Variants in ATR observed in about 807,000 individuals in gnomAD.
ATR encodes the protein ATR checkpoint kinase, also known as serine/threonine-protein kinase ATR.
ATR carries 142 observed loss-of-function variants against 305.3 expected under a neutral mutation model. The ratio of observed to expected loss-of-function variants is 0.47; its 90% confidence interval spans 0.41 to 0.53. ATR has a LOEUF of 0.53. Ranked by LOEUF, ATR falls within the 20% of genes least tolerant of loss-of-function variation. ATR has a pLI of 0.00. For synonymous variants in ATR, 1,050 were observed against 1,068.1 expected (o/e 0.98, Z 0.33); for missense variants, 2,135 against 3,133.1 (o/e 0.68, Z 7.60).
chr3:142,472,258 G>C (rs1160666888), intron 36 of ATR: 1 of 152,092 alleles, frequency 6.6e-6, no homozygotes, highest in African/African-American at 2.4e-5. Flanking sequence ...TCAACATATT[G>C]ATTTAATTTC....
chr3:142,545,222 G>C (rs182846035), intron 16 of ATR, among the ~76,000 whole-genome samples: 2 of 152,128 alleles, frequency 1.3e-5, no homozygotes, highest in East Asian at 3.9e-4. Flanking sequence ...TAAATAAGTA[G>C]TAAGTATGTA....
At chr3:142,550,452 G>C (rs2034434557) in intron 13 of ATR, 150 bp from the exon 14 acceptor site, 3 of 818,058 alleles carry the variant, frequency 3.7e-6, no homozygotes, top group East Asian at 2.6e-5. Flanking sequence ...TAATGAGGTA[G>C]ACTATGTCAT....
At chr3:142,498,897 T>C in intron 31 of ATR, 123 bp from the exon 32 acceptor site, 1 of 942,872 alleles carries the variant, frequency 1.1e-6, no homozygotes, top group South Asian at 1.4e-5. Context: ...TTTTTTTTTT[T>C]TGAGACAGAG....
intron 40 of ATR, chr3:142,465,631 T>G (rs2071110682): frequency 6.3e-6 from 1 of 159,216 alleles, no homozygotes; most frequent in Admixed American, 6.3e-5. Context: ...AGTAGTTTGA[T>G]TTTTGAAAAA....
In ATR at chr3:142,457,595, G is replaced by C; in HGVS notation, c.7655+9C>G. 1 of 1,613,768 alleles carries C rather than the reference G, an allele frequency of 6.2e-7. No homozygotes were observed. Among genetic ancestry groups the C allele is most frequent in the Non-Finnish European group, 8.5e-7 (1 of 1,179,876 alleles). The stretch of plus-strand genomic sequence containing the variant: ...ACTGTTAAATTATTTACAAAGTATA[G>C]GTGATTACCTCATTAAAGGCTCTCG... On this transcript the variant is annotated intron_variant, in intron 45 of 46. Transcript: ENST00000350721.
intron 21 of ATR, 78 bp downstream of exon 21, chr3:142,535,002 A>C: frequency 6.8e-7 from 1 of 1,466,198 alleles, no homozygotes; most frequent in Non-Finnish European, 9.3e-7. Flanking sequence ...CTCAAACAAA[A>C]ATGTCATTTT....
chr3:142,452,708 A>G, intron 46 of ATR: 1 of 1,054,572 alleles, frequency 9.5e-7, no homozygotes, highest in Non-Finnish European at 1.1e-6. Context: ...CACAACAACA[A>G]CAACAAAACT....
chr3:142,480,645 T>G (rs1019974648), intron 36 of ATR, among the ~76,000 whole-genome samples: 1 of 152,120 alleles, frequency 6.6e-6, no homozygotes, highest in Non-Finnish European at 1.5e-5. Context: ...TCTGCAGAGG[T>G]TTCTGCTGCC....
At chr3:142,513,992 G>A (rs1029599127) in intron 25 of ATR, among the ~76,000 whole-genome samples, 22 of 151,972 alleles carry the variant, frequency 1.4e-4, no homozygotes, top group East Asian at 3.9e-4. Flanking sequence ...AATGTCAGCC[G>A]GGCATGGTGG....
chr3:142,500,798 G>A (rs887381027), intron 30 of ATR, among the ~76,000 whole-genome samples: 3 of 152,108 alleles, frequency 2.0e-5, no homozygotes, highest in African/African-American at 7.2e-5. Context: ...GTCCAATTTT[G>A]AAGGACTTTA....
rs372864251 is a variant in ATR, at chr3:142,470,179, G to C, written c.6226C>G (p.Leu2076Val). 2.2e-4 allele frequency: 349 copies of C among 1,591,804 alleles called. 1 individual carries two copies. Among genetic ancestry groups the C allele is most frequent in the Non-Finnish European group, 2.9e-4 (333 of 1,161,750 alleles). The change falls in exon 37 of 47, where the codon CTA (leucine) becomes GTA (valine). Residue 2076 changes from leucine to valine, a missense_variant. Around this residue, in one of 9 missense-constraint regions of ATR, gnomAD observed 462 missense variants for 887.6 expected, o/e 0.52. Coordinates refer to ENST00000350721, the MANE Select transcript of ATR (RefSeq NM_001184.4). ...TATATGAACTGATTTCCATATTGTA[G>C]AGATCTGCAATTATATAGACAAGAA... ...RYIVLHFGRS[L>V]QYGNQFIYQS...
At position 142,452,871 on chromosome 3, in the gene ATR, A is replaced by G. The variant is rs558445264; in HGVS notation, c.7761+257T>C. On this transcript the variant is annotated intron_variant, in intron 46 of 46. Transcript: ENST00000350721. ...ACTATAGTTTTTCCTACTGTATCTC[A>G]TAACTGTGAATTGTCTATGGTTAAA... 9 of 1,318,384 alleles carry G rather than the reference A, an allele frequency of 6.8e-6. 1 individual carries two copies. The South Asian group carries it at 1.1e-4, about 16-fold the overall frequency. 81.7% of individuals were successfully genotyped at this position (1,318,384 alleles called of 1,614,324 possible).
chr3:142,451,841 C>T lies in ATR; in HGVS notation c.7761+1287G>A, dbSNP rs1206139838. 21 of 1,306,416 alleles carry T rather than the reference C, an allele frequency of 1.6e-5. No homozygotes were observed. The South Asian group carries it at 2.2e-4, about 13-fold the overall frequency. 80.9% of individuals were successfully genotyped at this position (1,306,416 alleles called of 1,614,324 possible). ...GAGTGTGATCCTGCTAGAGCTCTTT[C>T]AGCTGTTTAGAACAGAAATGGAGCG... On this transcript the variant is annotated intron_variant, in intron 46 of 46. Coordinates refer to ENST00000350721, the MANE Select transcript of ATR (RefSeq NM_001184.4).
intron 8 of ATR, 34 bp downstream of exon 8, chr3:142,558,590 A>C (rs1215911043): frequency 1.3e-6 from 2 of 1,575,144 alleles, no homozygotes; most frequent in East Asian, 4.6e-5. Flanking sequence ...AGATAAATAA[A>C]ACAAACCACA....
At chr3:142,485,887 C>CA (rs1405975691) in intron 35 of ATR, among the ~76,000 whole-genome samples, 20 of 152,304 alleles carry the variant, frequency 1.3e-4, no homozygotes, top group African/African-American at 4.8e-4. Context: ...CAGTCTTCAC[C>CA]ACTCCACTAA....
chr3:142,550,415 T>C lies in ATR; in HGVS notation c.2806-113A>G, dbSNP rs2108456895. The C allele has an allele frequency of 2.6e-6, 3 of 1,147,870 alleles. No individual in the cohort carries two copies. The Middle Eastern group carries it at 6.0e-4, about 229-fold the overall frequency. 71.1% of individuals were successfully genotyped at this position (1,147,870 alleles called of 1,614,324 possible). A position where few individuals can be genotyped will look rare whatever the true frequency, so the allele number is the denominator to read the frequency against. ...AAATAGTATTCTACATTATCTGAATTGGTCCATTCAATTTTTATAACAACC... is the reference window on the plus strand; with the variant it reads ...AAATAGTATTCTACATTATCTGAATCGGTCCATTCAATTTTTATAACAACC... On this transcript the variant is annotated intron_variant, in intron 13 of 46. Coordinates refer to ENST00000350721, the MANE Select transcript of ATR (RefSeq NM_001184.4).
chr3:142,563,148 T>C (rs767510992), intron 3 of ATR, 39 bp from the exon 4 acceptor site: 36 of 1,554,842 alleles, frequency 2.3e-5, no homozygotes, highest in Non-Finnish European at 3.1e-5. Context: ...TAAACAAGTA[T>C]ATCCGAAGTG....
At chr3:142,515,873 A>G (rs2032839094) in intron 24 of ATR, among the ~76,000 whole-genome samples, 1 of 152,194 alleles carries the variant, frequency 6.6e-6, no homozygotes, top group Admixed American at 6.5e-5. Flanking sequence ...ACTTTAGAAC[A>G]CTGCTCAGGG....
Position 142,465,142 on chromosome 3 carries a change from C to T in ATR, c.6996G>A (p.Leu2332=), listed in dbSNP as rs2108271021. 3 of 1,603,472 alleles carry T rather than the reference C, an allele frequency of 1.9e-6. No homozygotes were observed. The highest frequency in any genetic ancestry group is 2.6e-6 in the Non-Finnish European group (3 of 1,173,368). ...YIMMCKPKDD[L]RKDCRLMEFN... ...ATTCCATTAGTCTACAATCCTTTCT[C>T]AGGTCATCTTTTGGCTTACACATCA... The change falls in exon 41 of 47, where the codon CTG becomes CTA. Residue 2332 remains leucine, a synonymous_variant. Transcript: ENST00000350721.
Sources: allele counts gnomAD v4.1 joint callset (sites outside exome capture counted in the v4.1 genomes callset), GRCh38; gene constraint gnomAD v4.1.1; regional missense constraint gnomAD v4.1.1; transcripts MANE v1.5; gene names NCBI Gene and HGNC (gene_info 2026-07-23, HGNC 2026-07-21).